The following ALK variants were observed in gnomAD, a reference collection of about 807,000 sequenced individuals.
ALK encodes the protein ALK tyrosine kinase receptor.
Under a neutral mutation model 163.1 loss-of-function variants are expected in ALK, and 74 were observed. The observed-to-expected ratio is 0.45, with a 90% CI of 0.38 to 0.55. The LOEUF (loss-of-function observed/expected upper bound fraction) is 0.55. ALK is among the 20% of genes least tolerant of loss of function. ALK has a pLI of 0.00. For missense variants in ALK, 2,063 were observed against 2,105.3 expected, an observed-to-expected ratio of 0.98 and a Z score of 0.39; for synonymous variants, 960 against 843.2, an observed-to-expected ratio of 1.14 and a Z score of -2.40.
intron 3 of ALK, among the ~76,000 whole-genome samples, chr2:29,624,828 G>A (rs1409372694): frequency 2.0e-5 from 3 of 152,198 alleles, no homozygotes; most frequent in African/African-American, 7.2e-5. Context: ...CCCACGCCAA[G>A]GCACTACAAA....
At chr2:29,839,435 G>T (rs1665644784) in intron 1 of ALK, among the ~76,000 whole-genome samples, 1 of 152,126 alleles carries the variant, frequency 6.6e-6, no homozygotes, top group Non-Finnish European at 1.5e-5. Context: ...TCATCTTCAA[G>T]ATTTCACATA....
chr2:29,553,195 C>A (rs1673760441), intron 3 of ALK, among the ~76,000 whole-genome samples: 1 of 152,104 alleles, frequency 6.6e-6, no homozygotes, highest in Admixed American at 6.6e-5. Flanking sequence ...GGGCTCCACC[C>A]TCATGAATGA....
chr2:29,373,403 G>A (rs62132966), intron 5 of ALK, among the ~76,000 whole-genome samples: 1 of 152,132 alleles, frequency 6.6e-6, no homozygotes, highest in Non-Finnish European at 1.5e-5. Context: ...TTGTAAAATA[G>A]ACCAATTATT....
intron 3 of ALK, among the ~76,000 whole-genome samples, chr2:29,673,211 G>C (rs1573544751): frequency 7.2e-6 from 1 of 138,970 alleles, no homozygotes; most frequent in East Asian, 2.1e-4. Flanking sequence ...TTTGTCTTTT[G>C]TTGCCATTGC....
chr2:29,646,169 C>T (rs1676868443), intron 3 of ALK, among the ~76,000 whole-genome samples: 1 of 152,124 alleles, frequency 6.6e-6, no homozygotes, highest in Non-Finnish European at 1.5e-5. Flanking sequence ...CAAACTTGAT[C>T]TACCTGTAGT....
chr2:29,584,664 T>C (rs1348530608), intron 3 of ALK, among the ~76,000 whole-genome samples: 1 of 152,240 alleles, frequency 6.6e-6, no homozygotes, highest in African/African-American at 2.4e-5. Context: ...ACTCCTTCTA[T>C]AGAATGGCTG....
intron 3 of ALK, among the ~76,000 whole-genome samples, chr2:29,634,583 T>C (rs996798964): frequency 1.6e-4 from 25 of 152,296 alleles, no homozygotes; most frequent in African/African-American, 5.5e-4. Context: ...CACTCATTCA[T>C]GATTAAAACC....
At chr2:29,827,557 T>A (rs1665237037) in intron 1 of ALK, among the ~76,000 whole-genome samples, 2 of 152,198 alleles carry the variant, frequency 1.3e-5, no homozygotes, top group African/African-American at 4.8e-5. Context: ...GCAAAGGCAG[T>A]CTCAGGGTAT....
chr2:29,411,388 G>T (rs987128639), intron 4 of ALK, among the ~76,000 whole-genome samples: 4 of 151,532 alleles, frequency 2.6e-5, no homozygotes, highest in African/African-American at 9.7e-5. Context: ...TCACAGAGTT[G>T]CTTGTAAGCA....
intron 3 of ALK, among the ~76,000 whole-genome samples, chr2:29,562,555 C>A (rs1259709275): frequency 6.6e-6 from 1 of 152,136 alleles, no homozygotes. Context: ...TTGATAAGGC[C>A]ATTACACTCC....
chr2:29,685,070 A>T (rs1046010376), intron 3 of ALK, among the ~76,000 whole-genome samples: 16 of 152,148 alleles, frequency 1.1e-4, no homozygotes, highest in African/African-American at 3.6e-4. Context: ...ATCTTGCTAT[A>T]TTATAGGAAT....
chr2:29,756,092 C>T (rs899361316), intron 1 of ALK, among the ~76,000 whole-genome samples: 9 of 152,212 alleles, frequency 5.9e-5, no homozygotes, highest in Non-Finnish European at 4.4e-5. Context: ...CATCCTTGGG[C>T]TCCCTGCACT....
At chr2:29,427,037 CAAAAAA>C (rs70958261) in intron 4 of ALK, among the ~76,000 whole-genome samples, 504 of 40,094 alleles carry the variant, frequency 0.013, 1 homozygote, top group African/African-American at 0.058. Flanking sequence ...GACTCCGTCT[CAAAAAA>C]AAAAAAAAAA....
chr2:29,851,252 A>G (rs969029506), intron 1 of ALK, among the ~76,000 whole-genome samples: 1 of 152,192 alleles, frequency 6.6e-6, no homozygotes, highest in African/African-American at 2.4e-5. Context: ...ATGGCTTTCA[A>G]TTGACCAGAG....
At chr2:29,571,159 G>A (rs1310685606) in intron 3 of ALK, among the ~76,000 whole-genome samples, 1 of 152,134 alleles carries the variant, frequency 6.6e-6, no homozygotes, top group Admixed American at 6.6e-5. Context: ...TTTGCAGAGA[G>A]AGCTAAGGAC....
chr2:29,313,769 C>T (rs986393895), intron 8 of ALK, among the ~76,000 whole-genome samples: 1 of 152,064 alleles, frequency 6.6e-6, no homozygotes, highest in Non-Finnish European at 1.5e-5. Flanking sequence ...TAGTTATGCT[C>T]ATCTTCTTTG....
chr2:29,251,890 A>G (rs1253449866), intron 11 of ALK, among the ~76,000 whole-genome samples: 1 of 152,226 alleles, frequency 6.6e-6, no homozygotes, highest in African/African-American at 2.4e-5. Flanking sequence ...CTCCCTGGCC[A>G]TGGCTTGGCC....
intron 3 of ALK, among the ~76,000 whole-genome samples, chr2:29,672,220 C>T (rs1301540788): frequency 6.6e-6 from 1 of 151,276 alleles, no homozygotes; most frequent in Non-Finnish European, 1.5e-5. Context: ...TACATGTGCA[C>T]ATTGTGCAGG....
At chr2:29,661,773 C>T (rs1677355132) in intron 3 of ALK, among the ~76,000 whole-genome samples, 1 of 152,162 alleles carries the variant, frequency 6.6e-6, no homozygotes, top group African/African-American at 2.4e-5. Context: ...CTAAAATGGC[C>T]AATCTGTGTC....
Sources: gnomAD v4.1 joint callset for allele counts (sites outside exome capture counted in the v4.1 genomes callset) on GRCh38, gnomAD v4.1.1 for gene constraint, MANE v1.5 for transcripts, NCBI Gene and HGNC (gene_info 2026-07-23, HGNC 2026-07-21) for gene names.